The following MUC5B variants were observed in gnomAD, a reference collection of about 807,000 sequenced individuals.
MUC5B encodes mucin-5B.
In MUC5B, 116 loss-of-function variants were observed where a neutral mutation model predicts 376.9. The ratio of observed to expected loss-of-function variants is 0.31; its 90% CI spans 0.26 to 0.36. The LOEUF is 0.36. Ranked by LOEUF, MUC5B falls within the 10% of genes least tolerant of loss-of-function variation. The probability of loss-of-function intolerance (pLI) is 1.00; values close to 1 mark genes in which losing one functional copy is unlikely to be tolerated. For synonymous variants in MUC5B, 3,517 were observed against 3,390.9 expected (o/e 1.04, Z -1.29); for missense variants, 7,165 against 7,769.9 (o/e 0.92, Z 2.93).
rs535665986 is a variant in MUC5B, at chr11:1,251,387, C to T, written c.14507C>T (p.Ala4836Val). Residue 4836 changes from alanine (A) to valine (V), a missense_variant, in exon 31 of 49, where the codon GCC (alanine) becomes GTC (valine). By Grantham distance (64) the Ala-to-Val change is moderately conservative. Coordinates refer to ENST00000529681, the MANE Select transcript of MUC5B (RefSeq NM_002458.3). The stretch of plus-strand genomic sequence containing the variant: ...ACAACTGCAGCCACTGGATCCACGG[C>T]CACCCTGTCCTCCACCCCAGGGACC... ...ATTTAATGST[A>V]TLSSTPGTTW... The T allele has an allele frequency of 3.7e-6, 6 of 1,612,520 alleles. No individual in the cohort carries two copies. In the South Asian group the frequency reaches 5.5e-5, roughly 15 times the overall value.
At chr11:1,260,130 C>T in intron 46 of MUC5B, 45 bp downstream of exon 46, 1 of 1,601,346 alleles carries the variant, frequency 6.2e-7, no homozygotes, top group Non-Finnish European at 8.5e-7. Flanking sequence ...CCTTGTCCAT[C>T]AGGGAGGCCC....
At chr11:1,229,917 C>T (rs1861982778) in intron 10 of MUC5B, 88 bp from the exon 11 acceptor site, 1 of 1,543,314 alleles carries the variant, frequency 6.5e-7, no homozygotes, top group South Asian at 1.2e-5. Context: ...TGGTGTGCAC[C>T]CACCAGCCTC....
Position 1,247,870 on chromosome 11 carries a change from T to A in MUC5B, c.10990T>A (p.Phe3664Ile). ...GTGCTTCAACTATGAAATCCGTGTGTTCTGCTGCAACTACGGCCACTGCCC... is the reference window on the plus strand; with the variant it reads ...GTGCTTCAACTATGAAATCCGTGTGATCTGCTGCAACTACGGCCACTGCCC... Reference protein sequence around the residue: ...KMCFNYEIRVFCCNYGHCPST... With the variant: ...KMCFNYEIRVICCNYGHCPST... The change falls in exon 31 of 49, where the codon TTC (phenylalanine) becomes ATC (isoleucine). Residue 3664 changes from phenylalanine (F) to isoleucine (I), a missense_variant. By Grantham distance (21) the Phe-to-Ile change is conservative (BLOSUM62 0). Transcript: ENST00000529681. 1.2e-6 allele frequency: 2 copies of A among 1,610,472 alleles called. No homozygotes were observed. Among genetic ancestry groups the A allele is most frequent in the Non-Finnish European group, 1.7e-6 (2 of 1,178,782 alleles).
In MUC5B at chr11:1,246,149, C is replaced by T. The variant is rs1307022618; in HGVS notation, c.9269C>T (p.Thr3090Ile). ...GAACAGACCACCACACCCATGGCCA[C>T]CATGTCCACAATCCACCCCTCCTCC... ...LPEQTTTPMA[T>I]MSTIHPSSTP... The change falls in exon 31 of 49, where the codon ACC becomes ATC. Residue 3090 changes from threonine (T) to isoleucine (I), a missense_variant. Thr to Ile is a moderately conservative substitution (Grantham distance 89, BLOSUM62 -1). Transcript: ENST00000529681. The T allele has an allele frequency of 2.5e-6, 4 of 1,613,074 alleles. No individual in the cohort carries two copies. The highest frequency in any genetic ancestry group is 1.7e-5 in the Admixed American group (1 of 59,960).
At chr11:1,230,803 A>G (rs966213628) in intron 12 of MUC5B, 133 bp from the exon 13 acceptor site, 1 of 1,055,790 alleles carries the variant, frequency 9.5e-7, no homozygotes, top group Non-Finnish European at 1.4e-6. Context: ...TGCAGAGCCC[A>G]CCGCAGGTCC....
chr11:1,234,794 T>A lies in MUC5B; in HGVS notation c.2630+114T>A. 1 of 850,662 alleles carries A rather than the reference T, an allele frequency of 1.2e-6. No homozygotes were observed. Among genetic ancestry groups the A allele is most frequent in the Non-Finnish European group, 1.7e-6 (1 of 589,632 alleles). The allele number at this position is 850,662 out of a possible 1,614,324, so 52.7% of individuals were successfully genotyped here. A position where few individuals can be genotyped will look rare whatever the true frequency, so the allele number is the denominator to read the frequency against. On this transcript the variant is annotated intron_variant, in intron 21 of 48. Transcript: ENST00000529681. This position sits in a 1 kb window ranked among gnomAD's most constrained non-coding sequence, Gnocchi z 6.3. ...GGGGCGGGGAGGGCAGGGGGCCAGCTGGCCAGGGTGAGGTGGGGCCGTGGC... is the reference window on the plus strand; with the variant it reads ...GGGGCGGGGAGGGCAGGGGGCCAGCAGGCCAGGGTGAGGTGGGGCCGTGGC...
At position 1,243,495 on chromosome 11, in the gene MUC5B, C is replaced by A. The variant is rs1458859468; in HGVS notation, c.6615C>A (p.Ser2205Arg). 1 of 1,592,572 alleles carries A rather than the reference C, an allele frequency of 6.3e-7. No individual in the cohort carries two copies. Among genetic ancestry groups the A allele is most frequent in the South Asian group, 1.1e-5 (1 of 90,174 alleles). ...ATTHGRSLPP[S>R]SPHTVRTAWT... The stretch of plus-strand genomic sequence containing the variant: ...CACACGGGCGATCCCTGCCCCCCAG[C>A]AGTCCCCACACGGTGCGCACAGCCT... Residue 2205 changes from serine (S) to arginine (R), a missense_variant, in exon 31 of 49, where the codon AGC becomes AGA. This residue lies in a region of MUC5B where 67 missense variants were observed against 103.0 expected (regional missense o/e 0.65). Transcript: ENST00000529681.
chr11:1,261,593 G>A lies in MUC5B; in HGVS notation c.17274G>A (p.Glu5758=), dbSNP rs1862996640. 1 of 1,605,774 alleles carries A rather than the reference G, an allele frequency of 6.2e-7. No homozygotes were observed. Residue 5758 remains glutamate (E), a synonymous_variant, in exon 49 of 49, where the codon GAG becomes GAA. Coordinates refer to ENST00000529681, the MANE Select transcript of MUC5B (RefSeq NM_002458.3). ...ACACCCGTGGCTTCCCGGCCCAGGAGGCCACTGCTGTCTGAGAACGTTCTG... is the reference window on the plus strand; with the variant it reads ...ACACCCGTGGCTTCCCGGCCCAGGAAGCCACTGCTGTCTGAGAACGTTCTG... ...PPHTRGFPAQ[E]ATAV
rs1008340769 is a variant in MUC5B at position 1,250,690 on chromosome 11, A to T, written c.13810A>T (p.Thr4604Ser). The change falls in exon 31 of 49, where the codon ACC (threonine) becomes TCC (serine). Residue 4604 changes from threonine to serine, a missense_variant. Thr to Ser is a moderately conservative substitution (Grantham distance 58, BLOSUM62 1). This residue lies in a region of MUC5B where 730 missense variants were observed against 592.7 expected (regional missense o/e 1.23). Coordinates refer to ENST00000529681, the MANE Select transcript of MUC5B (RefSeq NM_002458.3). ...TACCACAACCACGGGCTTCACAGCC[A>T]CCCCCTCCTCCAGCCCAGGGACGGC... ...PTTTTTGFTA[T>S]PSSSPGTALT... 8.7e-6 allele frequency: 14 copies of T among 1,612,040 alleles called. No individual in the cohort carries two copies. In the African/African-American group the frequency reaches 1.6e-4, roughly 19 times the overall value.
Position 1,242,445 on chromosome 11 carries a change from G to T in MUC5B, c.5565G>T (p.Leu1855=). 6.2e-7 allele frequency: 1 copy of T among 1,613,830 alleles called. No individual in the cohort carries two copies. The change falls in exon 31 of 49, where the codon CTG becomes CTT. Residue 1855 remains leucine, a synonymous_variant. Coordinates refer to ENST00000529681, the MANE Select transcript of MUC5B (RefSeq NM_002458.3). ...QVLTCSLETG[L]TCKNEDQTGR... is the part of the protein sequence containing the mutation. ...TGACCTGCAGCCTGGAGACGGGGCT[G>T]ACCTGCAAGAACGAAGACCAGACAG... is the stretch of plus-strand genomic sequence containing the variant.
chr11:1,239,163 G>A, intron 26 of MUC5B, 136 bp downstream of exon 26: 1 of 1,143,906 alleles, frequency 8.7e-7, no homozygotes, highest in Non-Finnish European at 1.3e-6. Context: ...CTCCATGTGA[G>A]TGCACAAGTT....
In MUC5B at chr11:1,244,391, C is replaced by T. The variant is rs1319771292; in HGVS notation, c.7511C>T (p.Thr2504Ile). Residue 2504 changes from threonine (T) to isoleucine (I), a missense_variant, in exon 31 of 49, where the codon ACA becomes ATA. By Grantham distance (89) the Thr-to-Ile change is moderately conservative (BLOSUM62 -1). Transcript: ENST00000529681. The stretch of plus-strand genomic sequence containing the variant: ...GTGAGCACCACGGCCACGACACCCA[C>T]AGTCACCAGCTCCAAAGCCACTCCC... ...PHVSTTATTP[T>I]VTSSKATPFS... 1.9e-6 allele frequency: 3 copies of T among 1,596,586 alleles called. No individual in the cohort carries two copies. The highest frequency in any genetic ancestry group is 2.6e-6 in the Non-Finnish European group (3 of 1,168,032).
Position 1,233,228 on chromosome 11 carries a change from C to T in MUC5B, c.2281C>T (p.Leu761=), listed in dbSNP as rs758132630. The T allele has an allele frequency of 2.0e-5, 32 of 1,593,646 alleles. No individual in the cohort carries two copies. The highest frequency in any genetic ancestry group is 1.0e-4 in the Admixed American group (6 of 58,122). The part of the protein sequence containing the change: ...ECPCYAHGTV[L]APGEVVHDEG... ...CCCCTGCTACGCTCACGGCACCGTGCTGGCTCCTGGAGAGGTGGTGCACGA... is the reference window on the plus strand; with the variant it reads ...CCCCTGCTACGCTCACGGCACCGTGTTGGCTCCTGGAGAGGTGGTGCACGA... Residue 761 remains leucine (L), a synonymous_variant, in exon 18 of 49, where the codon CTG becomes TTG. Transcript: ENST00000529681.
chr11:1,233,219 G>C lies in MUC5B; in HGVS notation c.2272G>C (p.Gly758Arg), dbSNP rs370567274. 3.8e-6 allele frequency: 6 copies of C among 1,597,650 alleles called. No individual in the cohort carries two copies. Among genetic ancestry groups the C allele is most frequent in the Non-Finnish European group, 5.1e-6 (6 of 1,175,704 alleles). ...PAQECPCYAH[G>R]TVLAPGEVVH... The stretch of plus-strand genomic sequence containing the variant: ...CCAGGAGTGCCCCTGCTACGCTCAC[G>C]GCACCGTGCTGGCTCCTGGAGAGGT... The change falls in exon 18 of 49, where the codon GGC becomes CGC. Residue 758 changes from glycine (G) to arginine (R), a missense_variant. Physicochemically the swap from Gly to Arg is moderately radical, Grantham distance 125 (BLOSUM62 -2). Transcript: ENST00000529681.
chr11:1,225,643 T>G, intron 1 of MUC5B, 38 bp from the exon 2 acceptor site: 1 of 1,563,920 alleles, frequency 6.4e-7, no homozygotes, highest in Non-Finnish European at 8.7e-7. Context: ...GGCAGCCACA[T>G]CTAGTTCCTC....
In MUC5B at chr11:1,261,453, G is replaced by A. The variant is rs1035563235; in HGVS notation, c.17134G>A (p.Glu5712Lys). 7 of 1,548,228 alleles carry A rather than the reference G, an allele frequency of 4.5e-6. No individual in the cohort carries two copies. Among genetic ancestry groups the A allele is most frequent in the South Asian group, 3.6e-5 (3 of 84,128 alleles). Reference sequence around the variant, plus strand: ...CTGCTGCCAGGAGAGGCGGGTCCACGAGGAGACGGTGCCCTTGCACTGTCC... The same window carrying A: ...CTGCTGCCAGGAGAGGCGGGTCCACAAGGAGACGGTGCCCTTGCACTGTCC... ...CTCCQERRVH[E>K]ETVPLHCPNG... Residue 5712 changes from glutamate to lysine, a missense_variant, in exon 49 of 49, where the codon GAG (glutamate) becomes AAG (lysine). By Grantham distance (56) the Glu-to-Lys change is moderately conservative (BLOSUM62 1). Transcript: ENST00000529681.
In MUC5B at chr11:1,258,494, C is replaced by T; in HGVS notation, c.16593+127C>T. On this transcript the variant is annotated intron_variant, in intron 43 of 48. Coordinates refer to ENST00000529681, the MANE Select transcript of MUC5B (RefSeq NM_002458.3). This position sits in a 1 kb window ranked among gnomAD's most constrained non-coding sequence, Gnocchi z 5.5. Reference sequence around the variant, plus strand: ...CCTGAGGGCCGATCCGCACAGGGGCCCTGGACACGTCAGAGCTGGGACATG... The same window carrying T: ...CCTGAGGGCCGATCCGCACAGGGGCTCTGGACACGTCAGAGCTGGGACATG... 1 of 1,132,460 alleles carries T rather than the reference C, an allele frequency of 8.8e-7. No individual in the cohort carries two copies. The allele number at this position is 1,132,460 out of a possible 1,614,324, so 70.2% of individuals were successfully genotyped here. A position where few individuals can be genotyped will look rare whatever the true frequency, so the allele number is the denominator to read the frequency against.
Position 1,249,015 on chromosome 11 carries a change from C to A in MUC5B, c.12135C>A (p.Ser4045=), listed in dbSNP as rs540292751. 2.5e-6 allele frequency: 4 copies of A among 1,609,896 alleles called. No homozygotes were observed. In the South Asian group the frequency reaches 4.4e-5, roughly 18 times the overall value. The part of the protein sequence containing the change: ...TLGTTHITEP[S]TGTSHTPAAT... ...GCACCACCCACATCACAGAGCCTTC[C>A]ACGGGGACTTCCCACACCCCAGCAG... is the stretch of plus-strand genomic sequence containing the variant. Residue 4045 remains serine, a synonymous_variant, in exon 31 of 49, where the codon TCC becomes TCA. Transcript: ENST00000529681.
At position 1,260,041 on chromosome 11, in the gene MUC5B, C is replaced by T. The variant is rs375814161; in HGVS notation, c.16879C>T (p.Leu5627=). The T allele has an allele frequency of 6.2e-7, 1 of 1,612,628 alleles. No individual in the cohort carries two copies. Among genetic ancestry groups the T allele is most frequent in the Non-Finnish European group, 8.5e-7 (1 of 1,179,780 alleles). ...TGAGGCTGAGGGTGGAGTCCATTTG[C>T]TGACCCCACAGCCTGCATCCTGCCC... ...LCEAEGGVHL[L]TPQPASCPDV... Residue 5627 remains leucine (L), a synonymous_variant, in exon 46 of 49, where the codon CTG becomes TTG. Coordinates refer to ENST00000529681, the MANE Select transcript of MUC5B (RefSeq NM_002458.3).
Sources: gnomAD v4.1 joint callset for allele counts on GRCh38, gnomAD v4.1.1 for gene constraint, gnomAD v4.1.1 regional missense constraint, Gnocchi (gnomAD v3.1) non-coding constraint, MANE v1.5 for transcripts, NCBI Gene and HGNC (gene_info 2026-07-23, HGNC 2026-07-21) for gene names.